PCDH7: variants seen among roughly 807,000 people sequenced by gnomAD.
The protein encoded by PCDH7 is protocadherin 7.
PCDH7 carries 17 observed loss-of-function variants against 58.9 expected under a neutral mutation model. That is an observed-to-expected ratio of 0.29 (90% CI 0.20 to 0.43). The LOEUF (loss-of-function observed/expected upper bound fraction) is 0.43. Among genes scored for constraint, PCDH7 ranks in the 20% least tolerant of loss-of-function variants. The probability of loss-of-function intolerance (pLI) is 1.00; values close to 1 mark genes in which losing one functional copy is unlikely to be tolerated. For synonymous variants in PCDH7, 664 were observed against 616.4 expected (o/e 1.08, Z -1.14); for missense variants, 1,274 against 1,441.0 (o/e 0.88, Z 1.88).
intron 3 of PCDH7, among the ~76,000 whole-genome samples, chr4:31,110,364 G>A (rs1344587151): frequency 6.6e-6 from 1 of 152,114 alleles, no homozygotes; most frequent in African/African-American, 2.4e-5. Context: ...GTTTTAAATT[G>A]TGTTCATGAT....
intron 1 of PCDH7, among the ~76,000 whole-genome samples, chr4:30,777,026 A>C (rs1266647446): frequency 3.3e-5 from 5 of 152,122 alleles, no homozygotes; most frequent in African/African-American, 1.2e-4. Context: ...AAGTTTGACA[A>C]AACTTGCTTT....
intron 3 of PCDH7, among the ~76,000 whole-genome samples, chr4:30,998,309 C>G (rs13152466): frequency 0.21 from 32,198 of 151,972 alleles, 3,773 homozygotes; most frequent in East Asian, 0.47. Flanking sequence ...TGAAGAGATT[C>G]ATGAGTTATT....
intron 3 of PCDH7, among the ~76,000 whole-genome samples, chr4:31,033,814 C>T (rs1755157663): frequency 6.6e-6 from 1 of 152,072 alleles, no homozygotes; most frequent in African/African-American, 2.4e-5. Flanking sequence ...ACTATCTAGG[C>T]TGGGTGTGGT....
rs961063987 is a variant in PCDH7, at chr4:31,043,432, C to G, written c.*7+93217C>G. 8.5e-5 allele frequency among the ~76,000 whole-genome samples: 13 copies of G among 152,240 alleles called. 1 individual carries two copies. The highest frequency in any genetic ancestry group is 3.9e-4 in the Admixed American group (6 of 15,268). ...GAAAAGTGTTCCTTTTTCTCCACAA[C>G]CTCCCCAGCATCTGTTGTTTTTTGA... On this transcript the variant is annotated intron_variant, in intron 3 of 3. Coordinates refer to the PCDH7 transcript ENST00000509759.
At chr4:30,958,544 C>A (rs1468774901) in intron 3 of PCDH7, among the ~76,000 whole-genome samples, 1 of 151,836 alleles carries the variant, frequency 6.6e-6, no homozygotes, top group South Asian at 2.1e-4. Context: ...TAACAATCCA[C>A]TTTTAGTTTT....
chr4:30,854,041 T>A (rs1013143041), intron 1 of PCDH7, among the ~76,000 whole-genome samples: 20 of 152,028 alleles, frequency 1.3e-4, no homozygotes, highest in African/African-American at 4.6e-4. Context: ...TTCCATGGTA[T>A]ATTTGGGCAG....
rs969990414 is a variant in PCDH7, at chr4:30,738,424, G to A, written c.70+13828G>A. On this transcript the variant is annotated intron_variant, in intron 1 of 3. Transcript: ENST00000509759. Reference sequence around the variant, plus strand: ...AAAAAAAAAAGGTACAATTACTATCGTTTTTGTGAAAAATATATGAATCTA... The same window carrying A: ...AAAAAAAAAAGGTACAATTACTATCATTTTTGTGAAAAATATATGAATCTA... Among the ~76,000 whole-genome samples the A allele has an allele frequency of 4.0e-5, 6 of 150,438 alleles. No homozygotes were observed. The East Asian group carries it at 7.8e-4, about 20-fold the overall frequency.
chr4:30,872,303 A>G (rs1735719078), intron 1 of PCDH7, among the ~76,000 whole-genome samples: 1 of 152,156 alleles, frequency 6.6e-6, no homozygotes. Context: ...GTAAGGATCC[A>G]GAGAGATACT....
chr4:30,865,155 G>A (rs748621358), intron 1 of PCDH7, among the ~76,000 whole-genome samples: 11 of 152,152 alleles, frequency 7.2e-5, no homozygotes, highest in African/African-American at 2.6e-4. Context: ...TTTTGAAGAG[G>A]AAGGAAGTCA....
intron 1 of PCDH7, among the ~76,000 whole-genome samples, chr4:30,856,709 T>A (rs1304261389): frequency 1.6e-3 from 220 of 141,234 alleles, no homozygotes; most frequent in South Asian, 5.1e-3. Flanking sequence ...AAAAAAAAAA[T>A]ATATATATAT....
intron 2 of PCDH7, among the ~76,000 whole-genome samples, chr4:30,949,158 A>AT (rs1267832291): frequency 1.3e-5 from 2 of 151,996 alleles, no homozygotes; most frequent in African/African-American, 4.8e-5. Flanking sequence ...CCTATATTTC[A>AT]TTTTTTTACA....
chr4:30,748,763 G>A (rs1718103428), intron 1 of PCDH7, among the ~76,000 whole-genome samples: 1 of 152,160 alleles, frequency 6.6e-6, no homozygotes. Flanking sequence ...CCATTCAGGG[G>A]TGTTGTGAGG....
chr4:30,946,727 T>TGTGTGA (rs1048658000), intron 2 of PCDH7, among the ~76,000 whole-genome samples: 4 of 150,104 alleles, frequency 2.7e-5, no homozygotes, highest in African/African-American at 9.9e-5. Flanking sequence ...TGTGTGTGTG[T>TGTGTGA]GACAGAGTCC....
At chr4:31,087,604 A>G (rs144118674) in intron 3 of PCDH7, among the ~76,000 whole-genome samples, 1 of 152,234 alleles carries the variant, frequency 6.6e-6, no homozygotes, top group East Asian at 1.9e-4. Flanking sequence ...AGGAACAATG[A>G]CACAGTAGGA....
intron 1 of PCDH7, among the ~76,000 whole-genome samples, chr4:30,918,337 ATGG>A (rs1276940068): frequency 1.5e-4 from 23 of 151,988 alleles, no homozygotes; most frequent in Non-Finnish European, 2.8e-4. Context: ...AGTGGGGTGG[ATGG>A]GGTGGGTGAG....
At chr4:30,970,858 A>G (rs1288419110) in intron 3 of PCDH7, among the ~76,000 whole-genome samples, 1 of 152,198 alleles carries the variant, frequency 6.6e-6, no homozygotes, top group Non-Finnish European at 1.5e-5. Context: ...AATTCTGTGA[A>G]GTAGTGAAAG....
chr4:30,728,563 A>G (rs1714984128), intron 1 of PCDH7, among the ~76,000 whole-genome samples: 1 of 151,816 alleles, frequency 6.6e-6, no homozygotes, highest in Non-Finnish European at 1.5e-5. Flanking sequence ...CTAGTAAAGC[A>G]ACACTATCTG....
At chr4:31,072,250 A>T (rs906389082) in intron 3 of PCDH7, among the ~76,000 whole-genome samples, 1 of 152,120 alleles carries the variant, frequency 6.6e-6, no homozygotes, top group Non-Finnish European at 1.5e-5. Flanking sequence ...AAGAATTATA[A>T]TTACATCAGT....
At chr4:30,747,984 T>A (rs534913660) in intron 1 of PCDH7, among the ~76,000 whole-genome samples, 1 of 152,334 alleles carries the variant, frequency 6.6e-6, no homozygotes, top group South Asian at 2.1e-4. Context: ...TCCCTCAGAA[T>A]AATTTATTAG....
Sources: gnomAD v4.1 joint callset for allele counts (sites outside exome capture counted in the v4.1 genomes callset) on GRCh38, gnomAD v4.1.1 for gene constraint, MANE v1.5 for transcripts, NCBI Gene and HGNC (gene_info 2026-07-23, HGNC 2026-07-21) for gene names.